COX10: variants seen among roughly 807,000 people sequenced by gnomAD.
The protein encoded by COX10 is protoheme IX farnesyltransferase, mitochondrial.
A neutral mutation model predicts 37.3 loss-of-function variants in COX10; 27 were observed. The observed-to-expected ratio is 0.72, with a 90% CI of 0.53 to 1.00. The LOEUF (loss-of-function observed/expected upper bound fraction) is 1.00. Among genes scored for constraint, COX10 ranks in the 50% least tolerant of loss-of-function variants. The pLI is 0.00. For missense variants in COX10, 475 were observed against 563.2 expected, an observed-to-expected ratio of 0.84 and a Z score of 1.59; for synonymous variants, 222 against 229.1, an observed-to-expected ratio of 0.97 and a Z score of 0.28.
intron 5 of COX10, among the ~76,000 whole-genome samples, chr17:14,166,785 CTTT>C (rs57127092): frequency 1.2e-4 from 12 of 100,256 alleles, no homozygotes; most frequent in African/African-American, 3.3e-4. Context: ...CTATTTCTTT[CTTT>C]TTTTTTTTTT....
intron 5 of COX10, among the ~76,000 whole-genome samples, chr17:14,160,859 G>A (rs1259080647): frequency 6.6e-6 from 1 of 152,140 alleles, no homozygotes; most frequent in Non-Finnish European, 1.5e-5. Context: ...TCCTTTTTCT[G>A]AAATATAAAC....
intron 4 of COX10, among the ~76,000 whole-genome samples, chr17:14,118,608 G>A (rs1484786496): frequency 6.6e-6 from 1 of 152,104 alleles, no homozygotes; most frequent in Admixed American, 6.6e-5. Flanking sequence ...ATTAGACAAT[G>A]TTAAATGTAG....
chr17:14,113,424 T>C (rs991029703), intron 4 of COX10, among the ~76,000 whole-genome samples: 1 of 152,118 alleles, frequency 6.6e-6, no homozygotes, highest in Admixed American at 6.6e-5. Context: ...CATACAATGT[T>C]TATATTATTT....
intron 4 of COX10, among the ~76,000 whole-genome samples, chr17:14,120,601 C>T (rs1014333826): frequency 1.3e-5 from 2 of 152,072 alleles, no homozygotes; most frequent in African/African-American, 2.4e-5. Context: ...CTTTGTTGGT[C>T]TGTTGGATGG....
At chr17:14,191,483 A>G (rs1906200384) in intron 5 of COX10, among the ~76,000 whole-genome samples, 1 of 152,114 alleles carries the variant, frequency 6.6e-6, no homozygotes, top group African/African-American at 2.4e-5. Context: ...GTGATGTCTT[A>G]ATAAAGTATA....
intron 4 of COX10, among the ~76,000 whole-genome samples, chr17:14,141,933 A>G (rs975226541): frequency 2.6e-5 from 4 of 152,166 alleles, no homozygotes; most frequent in African/African-American, 9.7e-5. Flanking sequence ...TGACATTTCT[A>G]AAGTAAAATC....
intron 5 of COX10, among the ~76,000 whole-genome samples, chr17:14,188,715 G>A (rs1490336391): frequency 6.6e-6 from 1 of 152,194 alleles, no homozygotes; most frequent in Non-Finnish European, 1.5e-5. Context: ...TGAAGTGGAT[G>A]CCTAATGATT....
chr17:14,151,571 A>G (rs1359696155), intron 4 of COX10, among the ~76,000 whole-genome samples: 1 of 135,760 alleles, frequency 7.4e-6, no homozygotes, highest in East Asian at 2.2e-4. Flanking sequence ...ACACACACAC[A>G]CACGAGAACT....
chr17:14,095,946 TGGA>T (rs1915640706), intron 3 of COX10, among the ~76,000 whole-genome samples: 1 of 152,206 alleles, frequency 6.6e-6, no homozygotes, highest in Admixed American at 6.5e-5. Context: ...CTTTTGCTTA[TGGA>T]ACTAGGTAAT....
chr17:14,078,837 T>C (rs528842466), intron 3 of COX10, among the ~76,000 whole-genome samples: 1 of 152,214 alleles, frequency 6.6e-6, no homozygotes, highest in Non-Finnish European at 1.5e-5. Flanking sequence ...ATGATCAAAC[T>C]GTTCCTCAGA....
chr17:14,195,180 T>A (rs1268079674), intron 6 of COX10, among the ~76,000 whole-genome samples: 1 of 152,236 alleles, frequency 6.6e-6, no homozygotes, highest in Non-Finnish European at 1.5e-5. Context: ...ATTAATTTGA[T>A]AGAACCAACT....
intron 3 of COX10, among the ~76,000 whole-genome samples, chr17:14,090,159 T>G (rs927123685): frequency 5.9e-5 from 9 of 151,958 alleles, no homozygotes; most frequent in African/African-American, 1.9e-4. Context: ...GAGAATGTTA[T>G]CTGAATCACT....
At chr17:14,147,821 A>G (rs1304269331) in intron 4 of COX10, among the ~76,000 whole-genome samples, 1 of 150,796 alleles carries the variant, frequency 6.6e-6, no homozygotes, top group East Asian at 1.9e-4. Context: ...CAGGGTCTTT[A>G]TAGACAGTTG....
chr17:14,076,172 A>G (rs1378769732), intron 2 of COX10, among the ~76,000 whole-genome samples: 1 of 142,746 alleles, frequency 7.0e-6, no homozygotes, highest in Admixed American at 7.2e-5. Flanking sequence ...CTGGAGTACA[A>G]CGGTGCAATC....
chr17:14,161,038 A>C (rs2142240417), intron 5 of COX10, among the ~76,000 whole-genome samples: 1 of 152,304 alleles, frequency 6.6e-6, no homozygotes, highest in East Asian at 1.9e-4. Context: ...TTCCTCAGTG[A>C]AATTATACCC....
intron 4 of COX10, among the ~76,000 whole-genome samples, chr17:14,128,314 A>G (rs1597511751): frequency 6.6e-6 from 1 of 152,000 alleles, no homozygotes; most frequent in South Asian, 2.1e-4. Context: ...TCGTATACTT[A>G]TGAGATTAAA....
chr17:14,196,750 T>C (rs533137626), intron 6 of COX10, among the ~76,000 whole-genome samples: 10 of 152,260 alleles, frequency 6.6e-5, no homozygotes, highest in African/African-American at 2.4e-4. Flanking sequence ...CACTTCCTTC[T>C]CTCTCCACTA....
intron 1 of COX10, among the ~76,000 whole-genome samples, chr17:14,071,318 T>A (rs942350621): frequency 6.6e-6 from 1 of 152,202 alleles, no homozygotes; most frequent in Non-Finnish European, 1.5e-5. Context: ...TATGGTTTGT[T>A]GCTGCATCAG....
chr17:14,182,503 A>G (rs1905899056), intron 5 of COX10, among the ~76,000 whole-genome samples: 1 of 152,132 alleles, frequency 6.6e-6, no homozygotes, highest in African/African-American at 2.4e-5. Flanking sequence ...GCCACTCTAT[A>G]ATATCTATAA....
Sources: gnomAD v4.1 joint callset for allele counts (sites outside exome capture counted in the v4.1 genomes callset) on GRCh38, gnomAD v4.1.1 for gene constraint, MANE v1.5 for transcripts, NCBI Gene and HGNC (gene_info 2026-07-23, HGNC 2026-07-21) for gene names.